Variants in RAMP1 observed in about 807,000 individuals in gnomAD.
RAMP1 encodes the protein receptor activity modifying protein 1.
RAMP1 carries 7 observed loss-of-function variants against 8.2 expected under a neutral mutation model. The observed-to-expected ratio is 0.85, with a 90% CI of 0.49 to 1.60. The LOEUF (loss-of-function observed/expected upper bound fraction) is 1.60. Among genes scored for constraint, RAMP1 ranks in the 40% most tolerant of loss-of-function variants. The pLI is 0.00. For missense variants in RAMP1, 192 were observed against 202.4 expected (o/e 0.95, Z 0.31); for synonymous variants, 92 against 84.7 (o/e 1.09, Z -0.47).
intron 2 of RAMP1, among the ~76,000 whole-genome samples, chr2:237,892,118 T>G (rs913645251): frequency 1.3e-5 from 2 of 152,242 alleles, no homozygotes; most frequent in Non-Finnish European, 2.9e-5. Context: ...TCATTTTTTC[T>G]TCTGGAGAGT....
At chr2:237,887,599 T>C (rs996497240) in intron 2 of RAMP1, among the ~76,000 whole-genome samples, 10 of 152,314 alleles carry the variant, frequency 6.6e-5, no homozygotes, top group Non-Finnish European at 1.3e-4. Flanking sequence ...CACGCTGTGG[T>C]TCCCTACTCC....
Position 237,911,552 on chromosome 2 carries a change from C to T in RAMP1, c.216C>T (p.Cys72=), listed in dbSNP as rs2062713015. 1 of 1,614,138 alleles carries T rather than the reference C, an allele frequency of 6.2e-7. No individual in the cohort carries two copies. Among genetic ancestry groups the T allele is most frequent in the Non-Finnish European group, 8.5e-7 (1 of 1,179,984 alleles). ...TIRSYRELAD[C]TWHMAEKLGC... ...GGAGCTACAGGGAGCTGGCCGACTGCACCTGGCACATGGCGGAGAAGCTGG... is the reference window on the plus strand; with the variant it reads ...GGAGCTACAGGGAGCTGGCCGACTGTACCTGGCACATGGCGGAGAAGCTGG... Residue 72 remains cysteine (C), a synonymous_variant, in exon 3 of 3, where the codon TGC becomes TGT. Transcript: ENST00000254661.
intron 2 of RAMP1, among the ~76,000 whole-genome samples, chr2:237,906,420 G>T (rs1384646906): frequency 1.3e-5 from 2 of 152,182 alleles, no homozygotes; most frequent in Non-Finnish European, 2.9e-5. Context: ...GTAGAGGGGT[G>T]CTGGGATGCC....
intron 2 of RAMP1, among the ~76,000 whole-genome samples, chr2:237,887,759 C>T (rs2062448075): frequency 6.6e-6 from 1 of 152,130 alleles, no homozygotes; most frequent in African/African-American, 2.4e-5. Context: ...GGCAACATGG[C>T]GAAACCAGGT....
Position 237,911,668 on chromosome 2 carries a change from T to C in RAMP1, c.332T>C (p.Val111Ala). The C allele has an allele frequency of 6.2e-7, 1 of 1,614,022 alleles. No individual in the cohort carries two copies. The highest frequency in any genetic ancestry group is 1.1e-5 in the South Asian group (1 of 91,088). ...FRSCPISGRA[V>A]RDPPGSILYP... is the part of the protein sequence containing the mutation. ...AGCTGCCCCATCTCAGGCAGGGCCGTGCGGGACCCGCCCGGCAGCATCCTC... is the reference window on the plus strand; with the variant it reads ...AGCTGCCCCATCTCAGGCAGGGCCGCGCGGGACCCGCCCGGCAGCATCCTC... Residue 111 changes from valine to alanine, a missense_variant, in exon 3 of 3, where the codon GTG becomes GCG. Transcript: ENST00000254661.
chr2:237,880,673 A>G (rs1314653020), intron 2 of RAMP1, among the ~76,000 whole-genome samples: 1 of 152,240 alleles, frequency 6.6e-6, no homozygotes, highest in African/African-American at 2.4e-5. Flanking sequence ...GCAGGCCAGC[A>G]GGCTGGAAAC....
At chr2:237,898,457 C>T (rs907886187) in intron 2 of RAMP1, among the ~76,000 whole-genome samples, 3 of 152,154 alleles carry the variant, frequency 2.0e-5, no homozygotes, top group South Asian at 2.1e-4. Context: ...CGCGTGCTGC[C>T]AGTCCCAGGG....
In RAMP1 at chr2:237,860,812, A is replaced by C. The variant is rs1383425178; in HGVS notation, c.52+1085A>C. Among the ~76,000 whole-genome samples, 5 of 152,272 alleles carry C rather than the reference A, an allele frequency of 3.3e-5. No individual in the cohort carries two copies. The East Asian group carries it at 9.6e-4, about 29-fold the overall frequency. ...TAGCTGGGGGAGTGGTTCGTGGCCCAGCGAGGAGAGGGGCCAGGGCTTCTT... is the reference window on the plus strand; with the variant it reads ...TAGCTGGGGGAGTGGTTCGTGGCCCCGCGAGGAGAGGGGCCAGGGCTTCTT... On this transcript the variant is annotated intron_variant, in intron 1 of 2. Transcript: ENST00000254661.
intron 2 of RAMP1, among the ~76,000 whole-genome samples, chr2:237,885,903 A>G (rs1302134705): frequency 3.9e-5 from 6 of 152,180 alleles, no homozygotes; most frequent in African/African-American, 1.2e-4. Flanking sequence ...GGCCTTCAGC[A>G]CTAATGGCCA....
intron 2 of RAMP1, among the ~76,000 whole-genome samples, chr2:237,888,712 G>A (rs2062459909): frequency 6.6e-6 from 1 of 152,064 alleles, no homozygotes; most frequent in Non-Finnish European, 1.5e-5. Flanking sequence ...TGAGAGGAAG[G>A]TACAGAGATT....
In RAMP1 at chr2:237,859,706, C is replaced by G; in HGVS notation, c.31C>G (p.Arg11Gly). 1 of 1,512,902 alleles carries G rather than the reference C, an allele frequency of 6.6e-7. No individual in the cohort carries two copies. Among genetic ancestry groups the G allele is most frequent in the South Asian group, 1.3e-5 (1 of 79,922 alleles). The allele number at this position is 1,512,902 out of a possible 1,614,324, so 93.7% of individuals were successfully genotyped here. A position where few individuals can be genotyped will look rare whatever the true frequency, so the allele number is the denominator to read the frequency against. Reference sequence around the variant, plus strand: ...CCGGGCCCTGTGCCGCCTCCCGCGGCGCGGCCTCTGGCTGCTCCTGGGTGA... The same window carrying G: ...CCGGGCCCTGTGCCGCCTCCCGCGGGGCGGCCTCTGGCTGCTCCTGGGTGA... The part of the protein sequence containing the change: MARALCRLPR[R>G]GLWLLLAHHL... The change falls in exon 1 of 3, where the codon CGC (arginine) becomes GGC (glycine). Residue 11 changes from arginine (R) to glycine (G), a missense_variant. Physicochemically the swap from Arg to Gly is moderately radical, Grantham distance 125. Transcript: ENST00000254661.
chr2:237,896,537 T>A (rs1186439289), intron 2 of RAMP1, among the ~76,000 whole-genome samples: 1 of 152,234 alleles, frequency 6.6e-6, no homozygotes, highest in Non-Finnish European at 1.5e-5. Context: ...GACCTCCCCA[T>A]CACCTCAGCA....
chr2:237,886,326 A>C (rs916278179), intron 2 of RAMP1, among the ~76,000 whole-genome samples: 23 of 152,292 alleles, frequency 1.5e-4, no homozygotes, highest in African/African-American at 5.5e-4. Context: ...CAGGGCTCAG[A>C]GTCCTTGGCA....
At chr2:237,873,595 T>C (rs13403313) in intron 1 of RAMP1, among the ~76,000 whole-genome samples, 4,051 of 152,276 alleles carry the variant, frequency 0.027, 179 homozygotes, top group African/African-American at 0.09. Context: ...TCGAGGGAAG[T>C]TTCCTGTCTT....
At chr2:237,879,257 T>C (rs983966217) in intron 2 of RAMP1, among the ~76,000 whole-genome samples, 2 of 151,746 alleles carry the variant, frequency 1.3e-5, no homozygotes, top group African/African-American at 4.8e-5. Flanking sequence ...GTAGATTGAT[T>C]GTGAACGGGA....
At position 237,879,748 on chromosome 2, in the gene RAMP1, G is replaced by A. The variant is rs369725071; in HGVS notation, c.191+2386G>A. Among the ~76,000 whole-genome samples, 3 of 148,402 alleles carry A rather than the reference G, an allele frequency of 2.0e-5. No homozygotes were observed. The South Asian group carries it at 6.4e-4, about 32-fold the overall frequency. ...CTCACACCTGTGATCCCAACGCTTT[G>A]GGAGGTCAAGGCGGGTGGATCAACT... On this transcript the variant is annotated intron_variant, in intron 2 of 2. Coordinates refer to ENST00000254661, the MANE Select transcript of RAMP1 (RefSeq NM_005855.4).
At chr2:237,859,789 G>A in intron 1 of RAMP1, 62 bp downstream of exon 1, 3 of 1,400,206 alleles carry the variant, frequency 2.1e-6, no homozygotes, top group Admixed American at 2.7e-5. Context: ...GTCCTCTAGG[G>A]GAGAGGAGGG....
intron 2 of RAMP1, among the ~76,000 whole-genome samples, chr2:237,908,363 G>A (rs2062673677): frequency 6.7e-6 from 1 of 150,328 alleles, no homozygotes; most frequent in South Asian, 2.1e-4. Flanking sequence ...ACTCTGTCGG[G>A]GTCTTGGGTG....
chr2:237,888,757 T>C (rs2062460360), intron 2 of RAMP1, among the ~76,000 whole-genome samples: 1 of 152,180 alleles, frequency 6.6e-6, no homozygotes, highest in Admixed American at 6.5e-5. Flanking sequence ...TTTAATCTTC[T>C]TTTACAAATT....
Sources: gnomAD v4.1 joint callset for allele counts (sites outside exome capture counted in the v4.1 genomes callset) on GRCh38, gnomAD v4.1.1 for gene constraint, MANE v1.5 for transcripts, NCBI Gene and HGNC (gene_info 2026-07-23, HGNC 2026-07-21) for gene names.